Variants in ESR1 observed in about 807,000 individuals in gnomAD.
ESR1 encodes the protein estrogen receptor 1.
A neutral mutation model predicts 52.7 loss-of-function variants in ESR1; 12 were observed. The ratio of observed to expected loss-of-function variants is 0.23; its 90% confidence interval spans 0.15 to 0.37. The LOEUF is 0.37. ESR1 is among the 10% of genes least tolerant of loss of function. The probability of loss-of-function intolerance (pLI) is 1.00; values close to 1 mark genes in which losing one functional copy is unlikely to be tolerated. For synonymous variants in ESR1, 305 were observed against 316.8 expected, an observed-to-expected ratio of 0.96 and a Z score of 0.39; for missense variants, 584 against 779.7, an observed-to-expected ratio of 0.75 and a Z score of 2.99.
At chr6:151,986,138 G>A (rs2040463914) in intron 4 of ESR1, among the ~76,000 whole-genome samples, 1 of 152,074 alleles carries the variant, frequency 6.6e-6, no homozygotes. Context: ...GATATGGAAG[G>A]GATGTGACTG....
chr6:152,107,319 C>T (rs1400827981), downstream of ESR1, among the ~76,000 whole-genome samples: 2 of 152,086 alleles, frequency 1.3e-5, no homozygotes, highest in East Asian at 3.9e-4. Flanking sequence ...CTTCAAATTA[C>T]ATAATTTCTA....
At chr6:151,660,147 T>A (rs928487545) in intron 1 of ESR1, among the ~76,000 whole-genome samples, 2 of 152,214 alleles carry the variant, frequency 1.3e-5, no homozygotes, top group African/African-American at 4.8e-5. Flanking sequence ...ATCCTTTCTA[T>A]AGGAAAATGT....
intron 4 of ESR1, among the ~76,000 whole-genome samples, chr6:151,971,094 A>G (rs2038865007): frequency 1.3e-5 from 2 of 152,192 alleles, no homozygotes; most frequent in Admixed American, 1.3e-4. Flanking sequence ...TAATTAATAG[A>G]TGCCTCTTGG....
chr6:152,109,901 C>T (rs1480312478), intron 6 of ESR1, among the ~76,000 whole-genome samples: 1 of 152,170 alleles, frequency 6.6e-6, no homozygotes, highest in East Asian at 1.9e-4. Context: ...CATGAAGCTA[C>T]AATGTTGTTG....
chr6:151,956,749 C>A (rs2036962648), intron 4 of ESR1, among the ~76,000 whole-genome samples: 1 of 149,166 alleles, frequency 6.7e-6, no homozygotes, highest in African/African-American at 2.5e-5. Context: ...CAACCCTTCT[C>A]CTTTCTCTCT....
intron 4 of ESR1, among the ~76,000 whole-genome samples, chr6:151,977,963 G>A (rs9479155): frequency 0.061 from 7,069 of 115,656 alleles, 8 homozygotes; most frequent in Non-Finnish European, 0.068. Context: ...AAAAAAAAAA[G>A]AAAAAAAAAA....
chr6:151,910,869 A>T (rs1229378751), intron 3 of ESR1, among the ~76,000 whole-genome samples: 2 of 152,170 alleles, frequency 1.3e-5, no homozygotes, highest in African/African-American at 4.8e-5. Flanking sequence ...CTCACCAGGG[A>T]CTGGTTTCCT....
chr6:152,073,125 C>T (rs1477962684), intron 6 of ESR1, among the ~76,000 whole-genome samples: 1 of 152,214 alleles, frequency 6.6e-6, no homozygotes, highest in East Asian at 1.9e-4. Context: ...GTTAGCCCCA[C>T]TTCCTGCTAA....
At position 151,669,147 on chromosome 6, in the gene ESR1, GGAGA is replaced by G. The variant is rs541895194; in HGVS notation, n.73+12423_73+12426del. On this transcript the variant is annotated intron_variant and non_coding_transcript_variant, in intron 1 of 2. Coordinates refer to the ESR1 transcript ENST00000473497. ...GTGGTAGGAAGCTCTTTGGGAGCTG[GGAGA>G]GAGAGAGAGAGAGAGAGAGAGAGAG... Among the ~76,000 whole-genome samples the G allele has an allele frequency of 4.3e-3, 296 of 69,280 alleles. 6 individuals are homozygous for G. The East Asian group carries it at 0.059, about 14-fold the overall frequency. The allele number at this position is 69,280 out of a possible 152,430, so 45.5% of individuals were successfully genotyped here.
At chr6:151,769,343 A>G (rs1355559096) in intron 2 of ESR1, among the ~76,000 whole-genome samples, 3 of 152,222 alleles carry the variant, frequency 2.0e-5, no homozygotes, top group Non-Finnish European at 2.9e-5. Flanking sequence ...AGGAACTATT[A>G]TAGTCTTTTT....
intron 2 of ESR1, among the ~76,000 whole-genome samples, chr6:151,748,573 T>G (rs1466816671): frequency 6.6e-6 from 1 of 152,186 alleles, no homozygotes. Flanking sequence ...TTGAGTACAT[T>G]TGTGAAGATA....
chr6:151,958,145 TTGG>T (rs775068700), intron 4 of ESR1, among the ~76,000 whole-genome samples: 4 of 152,238 alleles, frequency 2.6e-5, no homozygotes, highest in Non-Finnish European at 5.9e-5. Flanking sequence ...GAATGGATAT[TTGG>T]TGGGCAAATA....
At chr6:152,080,359 A>G (rs1162459832) in intron 6 of ESR1, among the ~76,000 whole-genome samples, 4 of 152,138 alleles carry the variant, frequency 2.6e-5, no homozygotes, top group Non-Finnish European at 5.9e-5. Context: ...AAATTCTTAA[A>G]AAAAGAAGAA....
chr6:151,678,334 G>A (rs1280521726), intron 1 of ESR1, among the ~76,000 whole-genome samples: 1 of 152,018 alleles, frequency 6.6e-6, no homozygotes, highest in Non-Finnish European at 1.5e-5. Flanking sequence ...TTAGCCAGGT[G>A]TGGTGGTACA....
chr6:151,693,640 T>C (rs1779107469), intron 1 of ESR1, among the ~76,000 whole-genome samples: 2 of 152,208 alleles, frequency 1.3e-5, no homozygotes, highest in East Asian at 1.9e-4. Flanking sequence ...TTTTTTGAGA[T>C]GGAGTCTCGC....
intron 3 of ESR1, among the ~76,000 whole-genome samples, chr6:151,908,310 T>C (rs1514347): frequency 0.77 from 117,831 of 152,046 alleles, 46,183 homozygotes; most frequent in African/African-American, 0.87. Flanking sequence ...TACCTGTGTG[T>C]ATTATCATTA....
In ESR1 at chr6:151,807,794, G is replaced by A; in HGVS notation, c.-119G>A. ...CCGGGGCCAGAGCTCGCGTGTCGGC[G>A]GGACATGCGCTGCGTCGCCTCTAAC... On this transcript the variant is annotated 5_prime_UTR_variant, in exon 1 of 8. Coordinates refer to ENST00000206249, the MANE Select transcript of ESR1 (RefSeq NM_000125.4). 1.0e-6 allele frequency: 1 copy of A among 964,526 alleles called. No homozygotes were observed. The highest frequency in any genetic ancestry group is 1.4e-5 in the South Asian group (1 of 72,004). 59.7% of individuals were successfully genotyped at this position (964,526 alleles called of 1,614,324 possible).
At chr6:151,709,579 A>C (rs1435362954) in intron 2 of ESR1, among the ~76,000 whole-genome samples, 1 of 152,136 alleles carries the variant, frequency 6.6e-6, no homozygotes, top group East Asian at 1.9e-4. Flanking sequence ...CTTCCCACTA[A>C]CAGTGTGCAA....
chr6:151,976,095 A>G (rs1349489119), intron 4 of ESR1, among the ~76,000 whole-genome samples: 1 of 152,114 alleles, frequency 6.6e-6, no homozygotes, highest in Non-Finnish European at 1.5e-5. Flanking sequence ...TATTACTTTT[A>G]CCAGCCCCAG....
Sources: gnomAD v4.1 joint callset for allele counts (sites outside exome capture counted in the v4.1 genomes callset) on GRCh38, gnomAD v4.1.1 for gene constraint, MANE v1.5 for transcripts, NCBI Gene and HGNC (gene_info 2026-07-23, HGNC 2026-07-21) for gene names.